RFX3: variants seen among roughly 807,000 people sequenced by gnomAD.
The protein encoded by RFX3 is transcription factor RFX3.
In RFX3, 14 loss-of-function variants were observed where a neutral mutation model predicts 98.6. That is an observed-to-expected ratio of 0.14 (90% CI 0.09 to 0.22). The LOEUF (loss-of-function observed/expected upper bound fraction) is 0.22, where lower values mean the gene tolerates loss of function less well. Ranked by LOEUF, RFX3 falls within the 10% of genes least tolerant of loss-of-function variation. The pLI, the probability that RFX3 is intolerant of heterozygous loss-of-function variation, is 1.00. For synonymous variants in RFX3, 383 were observed against 328.4 expected (o/e 1.17, Z -1.80); for missense variants, 639 against 926.9 (o/e 0.69, Z 4.03).
At chr9:3,258,743 T>C (rs757795101) in intron 13 of RFX3, among the ~76,000 whole-genome samples, 2 of 151,932 alleles carry the variant, frequency 1.3e-5, no homozygotes, top group Non-Finnish European at 1.5e-5. Flanking sequence ...TTACAGCATA[T>C]TGATGTATGT....
intron 1 of RFX3, among the ~76,000 whole-genome samples, chr9:3,465,269 T>C (rs1344831246): frequency 6.6e-6 from 1 of 151,894 alleles, no homozygotes; most frequent in East Asian, 1.9e-4. Context: ...ATATAAACCA[T>C]TTCTTATATG....
chr9:3,358,266 T>C (rs1836005601), intron 2 of RFX3, among the ~76,000 whole-genome samples: 1 of 152,114 alleles, frequency 6.6e-6, no homozygotes, highest in South Asian at 2.1e-4. Flanking sequence ...GAATAACTGG[T>C]AAAATTATGA....
intron 1 of RFX3, among the ~76,000 whole-genome samples, chr9:3,512,207 A>T (rs973245718): frequency 6.6e-6 from 1 of 152,028 alleles, no homozygotes; most frequent in Admixed American, 6.6e-5. Context: ...TGTTGTTAGC[A>T]TAAGATTTAA....
chr9:3,388,306 G>C (rs542301090), intron 2 of RFX3, among the ~76,000 whole-genome samples: 2 of 152,182 alleles, frequency 1.3e-5, no homozygotes, highest in Admixed American at 1.3e-4. Flanking sequence ...ATCTAATGGA[G>C]ACTATTCATT....
At chr9:3,263,825 T>C (rs1240736417) in intron 12 of RFX3, among the ~76,000 whole-genome samples, 1 of 152,156 alleles carries the variant, frequency 6.6e-6, no homozygotes, top group Non-Finnish European at 1.5e-5. Context: ...GTTTGACCAA[T>C]AACAGGCACT....
At chr9:3,334,378 G>A (rs1159015909) in intron 3 of RFX3, among the ~76,000 whole-genome samples, 2 of 152,146 alleles carry the variant, frequency 1.3e-5, no homozygotes, top group African/African-American at 2.4e-5. Context: ...TTCTATGATC[G>A]TGGAAGTTGC....
intron 1 of RFX3, among the ~76,000 whole-genome samples, chr9:3,446,079 C>T (rs1169241064): frequency 6.6e-6 from 1 of 152,064 alleles, no homozygotes; most frequent in Non-Finnish European, 1.5e-5. Flanking sequence ...ATCTCCACTG[C>T]CCAAGCCCGA....
intron 2 of RFX3, among the ~76,000 whole-genome samples, chr9:3,372,652 A>C (rs897844361): frequency 6.7e-6 from 1 of 149,064 alleles, no homozygotes; most frequent in Non-Finnish European, 1.5e-5. Context: ...GGTTTGAGAG[A>C]TTCTCCTGCC....
chr9:3,418,184 G>A (rs1375798585), intron 1 of RFX3, among the ~76,000 whole-genome samples: 5 of 152,160 alleles, frequency 3.3e-5, no homozygotes, highest in African/African-American at 1.2e-4. Flanking sequence ...AAGTAGCAAT[G>A]CCTTAGTTTC....
chr9:3,339,677 G>A (rs544276453), intron 3 of RFX3, among the ~76,000 whole-genome samples: 12 of 152,244 alleles, frequency 7.9e-5, no homozygotes, highest in South Asian at 2.1e-4. Flanking sequence ...CCAGGTCCCC[G>A]CCCACATGAA....
At chr9:3,234,819 G>A (rs1216236339) in intron 15 of RFX3, among the ~76,000 whole-genome samples, 2 of 152,170 alleles carry the variant, frequency 1.3e-5, no homozygotes, top group East Asian at 3.9e-4. Flanking sequence ...TAACAGTGAA[G>A]GGAACAGAAG....
At chr9:3,318,424 T>C (rs928668522) in intron 4 of RFX3, among the ~76,000 whole-genome samples, 7 of 151,786 alleles carry the variant, frequency 4.6e-5, no homozygotes, top group African/African-American at 1.5e-4. Flanking sequence ...CTAATGTAAA[T>C]GACGAGTTAA....
intron 7 of RFX3, among the ~76,000 whole-genome samples, chr9:3,281,899 C>T (rs1207315114): frequency 2.6e-5 from 4 of 151,764 alleles, no homozygotes; most frequent in Non-Finnish European, 5.9e-5. Context: ...ATTCAACTAA[C>T]AGCACCAGGT....
At chr9:3,405,386 T>C (rs1841862852) in intron 1 of RFX3, among the ~76,000 whole-genome samples, 1 of 152,242 alleles carries the variant, frequency 6.6e-6, no homozygotes, top group South Asian at 2.1e-4. Context: ...TCTATTGAGC[T>C]ACAGTTCTAG....
At chr9:3,393,952 C>G (rs970655031) in intron 2 of RFX3, among the ~76,000 whole-genome samples, 12 of 151,980 alleles carry the variant, frequency 7.9e-5, no homozygotes, top group Non-Finnish European at 1.8e-4. Flanking sequence ...ATAAAGCAAA[C>G]CTGCATATGT....
intron 2 of RFX3, among the ~76,000 whole-genome samples, chr9:3,360,993 G>C (rs1455736963): frequency 6.6e-6 from 1 of 152,144 alleles, no homozygotes; most frequent in Non-Finnish European, 1.5e-5. Context: ...ACACAGAAGA[G>C]CATTTCTTAC....
At chr9:3,433,610 C>T (rs923469458) in intron 1 of RFX3, among the ~76,000 whole-genome samples, 1 of 152,190 alleles carries the variant, frequency 6.6e-6, no homozygotes, top group African/African-American at 2.4e-5. Flanking sequence ...AACCACTACA[C>T]TGTTCAAGGG....
intron 1 of RFX3, among the ~76,000 whole-genome samples, chr9:3,435,545 A>C (rs1181770642): frequency 6.6e-6 from 1 of 152,004 alleles, no homozygotes; most frequent in Non-Finnish European, 1.5e-5. Context: ...TATGCAGTCC[A>C]TCATTGACTG....
chr9:3,249,746 A>AT (rs529526120), intron 14 of RFX3, among the ~76,000 whole-genome samples: 66 of 152,192 alleles, frequency 4.3e-4, no homozygotes, highest in African/African-American at 1.5e-3. Context: ...TGATCATATA[A>AT]TTTTTTGTAA....
Sources: allele counts gnomAD v4.1 joint callset (sites outside exome capture counted in the v4.1 genomes callset), GRCh38; gene constraint gnomAD v4.1.1; transcripts MANE v1.5; gene names NCBI Gene and HGNC (gene_info 2026-07-23, HGNC 2026-07-21).